HOGA1: variants seen among roughly 807,000 people sequenced by gnomAD.
HOGA1 encodes 4-hydroxy-2-oxoglutarate aldolase, mitochondrial.
HOGA1 carries 30 observed loss-of-function variants against 34.3 expected under a neutral mutation model. That is an observed-to-expected ratio of 0.87 (90% CI 0.65 to 1.19). HOGA1 has a LOEUF of 1.19. HOGA1 is among the 50% of genes most tolerant of loss of function. HOGA1 has a pLI of 0.00. For missense variants in HOGA1, 417 were observed against 436.5 expected, an observed-to-expected ratio of 0.96 and a Z score of 0.40; for synonymous variants, 161 against 174.0, an observed-to-expected ratio of 0.93 and a Z score of 0.59.
chr10:97,596,059 A>G (rs1407672933), intron 1 of HOGA1, among the ~76,000 whole-genome samples: 1 of 152,172 alleles, frequency 6.6e-6, no homozygotes, highest in Admixed American at 6.5e-5. Context: ...AAGGAAACAG[A>G]CTCAAAGATG....
intron 1 of HOGA1, chr10:97,589,639 G>T (rs1200422188): frequency 1.4e-5 from 4 of 280,076 alleles, no homozygotes; most frequent in Non-Finnish European, 2.1e-5. Flanking sequence ...CACCCCACCC[G>T]CAACTGCCTT....
Position 97,584,760 on chromosome 10 carries a change from C to T in HOGA1, c.57C>T (p.Ser19=), listed in dbSNP as rs776736742. 6.2e-7 allele frequency: 1 copy of T among 1,613,250 alleles called. No homozygotes were observed. Among genetic ancestry groups the T allele is most frequent in the Non-Finnish European group, 8.5e-7 (1 of 1,179,576 alleles). The change falls in exon 1 of 7, where the codon TCC becomes TCT. Residue 19 remains serine, a synonymous_variant. Coordinates refer to ENST00000370646, the MANE Select transcript of HOGA1 (RefSeq NM_138413.4). ...GGCAGGGGCTAAGCAGGAGCTTGTC[C>T]AGGAATGTGGGGGTCTGGGCCTCAG... ...SVRQGLSRSL[S]RNVGVWASGE...
intron 5 of HOGA1, chr10:97,600,968 C>G (rs1049782666): frequency 6.6e-6 from 1 of 152,176 alleles, no homozygotes; most frequent in African/African-American, 2.4e-5. Context: ...AAAAAAAGCA[C>G]AGGCTCTGGA....
intron 1 of HOGA1, among the ~76,000 whole-genome samples, chr10:97,594,088 C>T (rs1433733503): frequency 2.0e-5 from 3 of 150,316 alleles, no homozygotes; most frequent in Admixed American, 1.3e-4. Context: ...AGGCTGGTCT[C>T]GAACTCCTGA....
chr10:97,590,257 T>G, intron 1 of HOGA1: 1 of 1,613,890 alleles, frequency 6.2e-7, no homozygotes, highest in Non-Finnish European at 8.5e-7. Flanking sequence ...CATCCACTGA[T>G]GAGGCCACGT....
chr10:97,607,310 C>A (rs180995995), intron 6 of HOGA1, among the ~76,000 whole-genome samples: 1 of 152,154 alleles, frequency 6.6e-6, no homozygotes, highest in Non-Finnish European at 1.5e-5. Context: ...CTTCCCTCCC[C>A]CTGGCCTGCT....
At position 97,612,511 on chromosome 10, in the gene HOGA1, A is replaced by T. The variant is rs1010907499; in HGVS notation, c.*852A>T. ...CCCTGCCCTCCACACTGCAAGCTGC[A>T]TTCCAGCCACAACGCCCTTTTCTAA... is the stretch of plus-strand genomic sequence containing the variant. On this transcript the variant is annotated 3_prime_UTR_variant, in exon 7 of 7. Transcript: ENST00000370646. The T allele has an allele frequency of 3.9e-5, 6 of 152,244 alleles. No homozygotes were observed. The highest frequency in any genetic ancestry group is 8.8e-5 in the Non-Finnish European group (6 of 68,060). 9.4% of individuals were successfully genotyped at this position (152,244 alleles called of 1,614,324 possible).
intron 1 of HOGA1, chr10:97,589,932 A>G (rs1272334675): frequency 6.2e-7 from 1 of 1,613,788 alleles, no homozygotes; most frequent in Non-Finnish European, 8.5e-7. Flanking sequence ...AGAAGAAAGG[A>G]AACCTCTGAG....
chr10:97,587,510 G>A (rs1014586182), intron 1 of HOGA1, among the ~76,000 whole-genome samples: 14 of 152,042 alleles, frequency 9.2e-5, no homozygotes, highest in African/African-American at 3.4e-4. Flanking sequence ...CCCTGAAACT[G>A]TGTAGCTTTT....
At chr10:97,610,434 C>G (rs541416778) in intron 6 of HOGA1, among the ~76,000 whole-genome samples, 2 of 152,194 alleles carry the variant, frequency 1.3e-5, no homozygotes, top group East Asian at 3.9e-4. Flanking sequence ...TACCACTGCA[C>G]TCTAGCCTGA....
chr10:97,612,048 ACT>A lies in HOGA1; in HGVS notation c.*392_*393del, dbSNP rs1185320487. On this transcript the variant is annotated 3_prime_UTR_variant, in exon 7 of 7. Coordinates refer to ENST00000370646, the MANE Select transcript of HOGA1 (RefSeq NM_138413.4). Reference sequence around the variant, plus strand: ...TTTTTTTTTTTTGAGACAGAGTTTCACTCTGTCACCCAGGCTGGAGTGCAATG... The same window carrying A: ...TTTTTTTTTTTTGAGACAGAGTTTCACTGTCACCCAGGCTGGAGTGCAATG... 5.6e-6 allele frequency: 1 copy of A among 179,324 alleles called. No homozygotes were observed. The highest frequency in any genetic ancestry group is 1.1e-5 in the Non-Finnish European group (1 of 89,286). 11.1% of individuals were successfully genotyped at this position (179,324 alleles called of 1,614,324 possible).
chr10:97,606,591 T>G (rs2041160044), intron 6 of HOGA1, among the ~76,000 whole-genome samples: 1 of 152,224 alleles, frequency 6.6e-6, no homozygotes, highest in Non-Finnish European at 1.5e-5. Flanking sequence ...CTGGGTTCTC[T>G]ATTCTTTCCA....
chr10:97,588,359 G>C (rs113903447), intron 1 of HOGA1, among the ~76,000 whole-genome samples: 7 of 143,254 alleles, frequency 4.9e-5, no homozygotes, highest in Non-Finnish European at 1.1e-4. Context: ...CACCATGCAC[G>C]GCTAATTTTT....
intron 1 of HOGA1, among the ~76,000 whole-genome samples, chr10:97,593,824 G>C (rs542853075): frequency 6.6e-6 from 1 of 152,092 alleles, no homozygotes; most frequent in Non-Finnish European, 1.5e-5. Flanking sequence ...ACACAAGCAA[G>C]GGTGCAGAGG....
chr10:97,606,167 G>A (rs1286615740), intron 6 of HOGA1, among the ~76,000 whole-genome samples: 1 of 150,034 alleles, frequency 6.7e-6, no homozygotes, highest in Non-Finnish European at 1.5e-5. Context: ...TGCGGGTAGT[G>A]GCAGGTGCCT....
chr10:97,584,821 C>A lies in HOGA1; in HGVS notation c.118C>A (p.Pro40Thr). Residue 40 changes from proline to threonine, a missense_variant, in exon 1 of 7, where the codon CCC becomes ACC. By Grantham distance (38) the Pro-to-Thr change is conservative. Transcript: ENST00000370646. ...GKKVDIAGIY[P>T]PVTTPFTATA... is the part of the protein sequence containing the mutation. ...GAAGGTGGACATTGCGGGTATCTACCCCCCTGTGACCACCCCCTTCACTGC... is the reference window on the plus strand; with the variant it reads ...GAAGGTGGACATTGCGGGTATCTACACCCCTGTGACCACCCCCTTCACTGC... 3 of 1,614,048 alleles carry A rather than the reference C, an allele frequency of 1.9e-6. No homozygotes were observed. Among genetic ancestry groups the A allele is most frequent in the Non-Finnish European group, 2.5e-6 (3 of 1,179,960 alleles).
At chr10:97,605,092 G>A (rs1350315560) in intron 6 of HOGA1, among the ~76,000 whole-genome samples, 1 of 152,130 alleles carries the variant, frequency 6.6e-6, no homozygotes, top group East Asian at 1.9e-4. Context: ...GTGGGTCATA[G>A]GGTAGTGGTA....
At chr10:97,588,558 T>G (rs1406170491) in intron 1 of HOGA1, among the ~76,000 whole-genome samples, 2 of 151,972 alleles carry the variant, frequency 1.3e-5, no homozygotes, top group Non-Finnish European at 2.9e-5. Flanking sequence ...GAGGAAGGGG[T>G]CATTACAGAA....
intron 1 of HOGA1, among the ~76,000 whole-genome samples, chr10:97,594,964 A>G (rs2041057636): frequency 6.6e-6 from 1 of 152,204 alleles, no homozygotes; most frequent in South Asian, 2.1e-4. Flanking sequence ...GGCCCAGTGG[A>G]GAGATCCCAG....
Sources: gnomAD v4.1 joint callset for allele counts (sites outside exome capture counted in the v4.1 genomes callset) on GRCh38, gnomAD v4.1.1 for gene constraint, MANE v1.5 for transcripts, NCBI Gene and HGNC (gene_info 2026-07-23, HGNC 2026-07-21) for gene names.